SUGCT: variants seen among roughly 807,000 people sequenced by gnomAD.
SUGCT encodes succinyl-CoA:glutarate-CoA transferase.
In SUGCT, 41 loss-of-function variants were observed where a neutral mutation model predicts 55.0. That is an observed-to-expected ratio of 0.74 (90% confidence interval 0.58 to 0.97). The LOEUF is 0.97. Ranked by LOEUF, SUGCT falls within the 50% of genes least tolerant of loss-of-function variation. The pLI is 0.00. For synonymous variants in SUGCT, 187 were observed against 200.4 expected (o/e 0.93, Z 0.56); for missense variants, 568 against 547.8 (o/e 1.04, Z -0.37).
chr7:40,918,419 C>A, the SUGCT span, among the ~76,000 whole-genome samples: 15 of 147,760 alleles, frequency 1.0e-4, no homozygotes, highest in East Asian at 2.0e-3. Flanking sequence ...CAAGATTGTG[C>A]CACTGCACTC....
At chr7:40,729,184 C>T (rs998169141) in intron 12 of SUGCT, among the ~76,000 whole-genome samples, 4 of 152,168 alleles carry the variant, frequency 2.6e-5, no homozygotes, top group Non-Finnish European at 5.9e-5. Flanking sequence ...TTTATTAGTG[C>T]TTGCTGCGTG....
intron 9 of SUGCT, among the ~76,000 whole-genome samples, chr7:40,409,275 AT>A (rs66510608): frequency 0.52 from 77,459 of 150,174 alleles, 20,232 homozygotes; most frequent in South Asian, 0.64. Flanking sequence ...TTTTATTTTT[AT>A]TTTTTGAGAC....
intron 9 of SUGCT, among the ~76,000 whole-genome samples, chr7:40,404,016 G>A (rs574359388): frequency 6.6e-6 from 1 of 152,280 alleles, no homozygotes; most frequent in South Asian, 2.1e-4. Flanking sequence ...TAGCCATATA[G>A]GAAAAGGAGA....
At chr7:40,419,642 T>A (rs1317342613) in intron 9 of SUGCT, among the ~76,000 whole-genome samples, 1 of 152,140 alleles carries the variant, frequency 6.6e-6, no homozygotes, top group Admixed American at 6.6e-5. Flanking sequence ...TTTGTGAAGT[T>A]GTAGCTCAGG....
At chr7:40,377,218 T>TTC (rs1562728902) in intron 9 of SUGCT, among the ~76,000 whole-genome samples, 2 of 7,064 alleles carry the variant, frequency 2.8e-4, no homozygotes, top group Admixed American at 2.5e-3. Flanking sequence ...CTTTTCTTTC[T>TTC]TTTCTTTCTT....
chr7:40,797,719 C>A (rs1184690733), intron 13 of SUGCT, among the ~76,000 whole-genome samples: 1 of 152,174 alleles, frequency 6.6e-6, no homozygotes, highest in Non-Finnish European at 1.5e-5. Context: ...AGCATGAACC[C>A]CCCCCAAATA....
chr7:40,313,499 A>T (rs550184178), intron 8 of SUGCT, among the ~76,000 whole-genome samples: 2 of 152,304 alleles, frequency 1.3e-5, no homozygotes, highest in Non-Finnish European at 2.9e-5. Flanking sequence ...CAGATTGGTA[A>T]TACCCCCTTT....
chr7:40,179,171 G>C (rs1218016539), intron 1 of SUGCT, among the ~76,000 whole-genome samples: 1 of 152,132 alleles, frequency 6.6e-6, no homozygotes, highest in Non-Finnish European at 1.5e-5. Context: ...GCTATAACAG[G>C]TTATCTCTGC....
chr7:40,873,220 C>A, the SUGCT span, among the ~76,000 whole-genome samples: 3 of 152,248 alleles, frequency 2.0e-5, no homozygotes, highest in African/African-American at 4.8e-5. Context: ...AAAAAACTTA[C>A]CAATGAGCTT....
At chr7:40,964,691 T>A in the SUGCT span, 1 of 152,336 alleles carries the variant, frequency 6.6e-6, no homozygotes. Context: ...GGTGAATACT[T>A]AATTCTTTAT....
At chr7:40,210,230 T>C (rs1787254980) in intron 6 of SUGCT, among the ~76,000 whole-genome samples, 1 of 151,968 alleles carries the variant, frequency 6.6e-6, no homozygotes, top group Non-Finnish European at 1.5e-5. Context: ...GTATTTTTAG[T>C]AGAGACAGAG....
chr7:40,427,171 AT>A (rs1406256751), intron 9 of SUGCT, among the ~76,000 whole-genome samples: 5 of 152,284 alleles, frequency 3.3e-5, no homozygotes, highest in African/African-American at 9.6e-5. Context: ...GAGCAGAGAG[AT>A]TGGACAGGCT....
At chr7:40,666,704 C>A (rs1322045597) in intron 12 of SUGCT, among the ~76,000 whole-genome samples, 3 of 151,838 alleles carry the variant, frequency 2.0e-5, no homozygotes, top group Non-Finnish European at 4.4e-5. Context: ...CGTATGATTT[C>A]CCCCAACACT....
chr7:40,320,391 C>T (rs1427549443), intron 9 of SUGCT, among the ~76,000 whole-genome samples: 1 of 151,990 alleles, frequency 6.6e-6, no homozygotes, highest in Non-Finnish European at 1.5e-5. Flanking sequence ...CAGGCGTGAG[C>T]CTGTAATATT....
chr7:40,958,935 C>A, the SUGCT span, among the ~76,000 whole-genome samples: 4 of 152,176 alleles, frequency 2.6e-5, no homozygotes, highest in African/African-American at 7.2e-5. Context: ...TGCTGCAGGT[C>A]TGCTGGAAGT....
At chr7:40,704,810 A>G (rs1785322031) in intron 12 of SUGCT, among the ~76,000 whole-genome samples, 1 of 152,234 alleles carries the variant, frequency 6.6e-6, no homozygotes, top group Non-Finnish European at 1.5e-5. Flanking sequence ...AGAACAATTC[A>G]TTGAAGAAGG....
intron 9 of SUGCT, among the ~76,000 whole-genome samples, chr7:40,317,810 A>G (rs1174667188): frequency 6.6e-6 from 1 of 152,214 alleles, no homozygotes; most frequent in Non-Finnish European, 1.5e-5. Context: ...TGAGGAAAGC[A>G]CTGACCCAAT....
rs1797848293 is a variant in SUGCT, at chr7:40,593,670, T to A, written c.1089+97284T>A. On this transcript the variant is annotated intron_variant, in intron 12 of 13. Transcript: ENST00000335693. ...AGCCTGGCCAACGTGGTGAAACTCATCTCTACTAAAAATACAAAAATTAGT... is the reference window on the plus strand; with the variant it reads ...AGCCTGGCCAACGTGGTGAAACTCAACTCTACTAAAAATACAAAAATTAGT... Among the ~76,000 whole-genome samples the A allele has an allele frequency of 2.0e-5, 3 of 152,066 alleles. No individual in the cohort carries two copies. The South Asian group carries it at 6.2e-4, about 32-fold the overall frequency.
chr7:40,432,522 C>T (rs1005225983), intron 9 of SUGCT, among the ~76,000 whole-genome samples: 4 of 151,940 alleles, frequency 2.6e-5, no homozygotes, highest in African/African-American at 9.7e-5. Context: ...CCCATCTCTA[C>T]TAAAAATACA....
Sources: gnomAD v4.1 joint callset for allele counts (sites outside exome capture counted in the v4.1 genomes callset) on GRCh38, gnomAD v4.1.1 for gene constraint, MANE v1.5 for transcripts, NCBI Gene and HGNC (gene_info 2026-07-23, HGNC 2026-07-21) for gene names.